Variants in LIN28B observed in about 807,000 individuals in gnomAD.
The protein encoded by LIN28B is lin-28 RNA binding posttranscriptional regulator B, also known as protein lin-28 homolog B.
In LIN28B, 5 loss-of-function variants were observed where a neutral mutation model predicts 21.9. The ratio of observed to expected loss-of-function variants is 0.23; its 90% CI spans 0.12 to 0.48. The LOEUF is 0.48. Among genes scored for constraint, LIN28B ranks in the 20% least tolerant of loss-of-function variants. The pLI is 0.98. For synonymous variants in LIN28B, 109 were observed against 111.3 expected (o/e 0.98, Z 0.13); for missense variants, 245 against 310.5 (o/e 0.79, Z 1.58).
chr6:104,975,605 G>A (rs2114597067), intron 2 of LIN28B, among the ~76,000 whole-genome samples: 1 of 152,172 alleles, frequency 6.6e-6, no homozygotes, highest in Middle Eastern at 3.4e-3. Flanking sequence ...AGTGATGATA[G>A]TGTAACTTTT....
chr6:104,957,094 G>C, upstream of LIN28B: 1 of 1,538,226 alleles, frequency 6.5e-7, no homozygotes, highest in Admixed American at 2.0e-5. Flanking sequence ...CTGGAGAGAG[G>C]AGAGAAAAAA....
At chr6:105,048,539 G>A (rs1264607613) in intron 3 of LIN28B, among the ~76,000 whole-genome samples, 2 of 152,296 alleles carry the variant, frequency 1.3e-5, no homozygotes, top group East Asian at 3.9e-4. Flanking sequence ...CATAAAATGA[G>A]TTAGGGAGGA....
At chr6:105,015,298 A>AG (rs1771004678) in intron 2 of LIN28B, among the ~76,000 whole-genome samples, 1 of 152,132 alleles carries the variant, frequency 6.6e-6, no homozygotes, top group African/African-American at 2.4e-5. Flanking sequence ...TATTTTTGAT[A>AG]ATACTCTTTA....
intron 2 of LIN28B, among the ~76,000 whole-genome samples, chr6:105,017,586 T>A (rs1030652153): frequency 6.6e-6 from 1 of 152,156 alleles, no homozygotes; most frequent in East Asian, 1.9e-4. Flanking sequence ...GCTCTGAGTG[T>A]TTTTTCAGTT....
At chr6:104,951,067 G>A (rs1473718775) in intron 3 of LIN28B, among the ~76,000 whole-genome samples, 1 of 151,990 alleles carries the variant, frequency 6.6e-6, no homozygotes, top group African/African-American at 2.4e-5. Context: ...ATATGACAAA[G>A]CTGAGTCATT....
At chr6:105,046,258 C>A (rs898845550) in intron 3 of LIN28B, among the ~76,000 whole-genome samples, 1 of 152,044 alleles carries the variant, frequency 6.6e-6, no homozygotes, top group South Asian at 2.1e-4. Context: ...TGAGTGAGAA[C>A]ATGCAGTGTT....
chr6:105,026,433 A>G lies in LIN28B; in HGVS notation c.334A>G (p.Arg112Gly). 1.9e-6 allele frequency: 3 copies of G among 1,609,704 alleles called. No individual in the cohort carries two copies. The highest frequency in any genetic ancestry group is 2.5e-6 in the Non-Finnish European group (3 of 1,178,302). The change falls in exon 3 of 4, where the codon AGA becomes GGA. Residue 112 changes from arginine (R) to glycine (G), a missense_variant. Arg to Gly is a moderately radical substitution (Grantham distance 125). Coordinates refer to ENST00000345080, the MANE Select transcript of LIN28B (RefSeq NM_001004317.4). ...PGGSPCLGSE[R>G]RPKGKTLQKR... Reference sequence around the variant, plus strand: ...TGGGAGCCCCTGTTTAGGAAGTGAAAGAAGACCCAAAGGGAAGACACTACA... The same window carrying G: ...TGGGAGCCCCTGTTTAGGAAGTGAAGGAAGACCCAAAGGGAAGACACTACA...
chr6:104,991,183 G>A lies in LIN28B; in HGVS notation c.198+32897G>A, dbSNP rs561401399. ...CTCCCGGACAGGGCGGCGGCCAGGCGGAGACGCCCCCCACCTCCCTCCCAG... is the reference window on the plus strand; with the variant it reads ...CTCCCGGACAGGGCGGCGGCCAGGCAGAGACGCCCCCCACCTCCCTCCCAG... On this transcript the variant is annotated intron_variant, in intron 2 of 3. Transcript: ENST00000345080. Among the ~76,000 whole-genome samples the A allele has an allele frequency of 1.4e-3, 218 of 150,888 alleles. 1 individual carries two copies. Among genetic ancestry groups the A allele is most frequent in the African/African-American group, 5.0e-3 (204 of 41,020 alleles).
upstream of LIN28B, among the ~76,000 whole-genome samples, chr6:104,956,145 C>G (rs142491584): frequency 0.024 from 3,578 of 152,152 alleles, 57 homozygotes; most frequent in Middle Eastern, 0.12. Context: ...CACCCCCTGC[C>G]CGCGCCGGCT....
intron 3 of LIN28B, among the ~76,000 whole-genome samples, chr6:105,048,757 G>A (rs1269930058): frequency 1.3e-5 from 2 of 152,180 alleles, no homozygotes; most frequent in Non-Finnish European, 2.9e-5. Flanking sequence ...AGGTGTATGT[G>A]TCAAGGAATT....
chr6:105,056,744 C>T (rs1268902169), intron 3 of LIN28B, among the ~76,000 whole-genome samples: 1 of 152,138 alleles, frequency 6.6e-6, no homozygotes, highest in Non-Finnish European at 1.5e-5. Context: ...CTCCAGTATC[C>T]TGTCCCAAGA....
At chr6:104,965,020 AAAT>A (rs1177584073) in intron 2 of LIN28B, among the ~76,000 whole-genome samples, 2 of 152,212 alleles carry the variant, frequency 1.3e-5, no homozygotes, top group Non-Finnish European at 2.9e-5. Flanking sequence ...TCTGTTGAGA[AAAT>A]AAACTAATGT....
At chr6:105,050,313 A>T (rs1246466939) in intron 3 of LIN28B, among the ~76,000 whole-genome samples, 2 of 152,116 alleles carry the variant, frequency 1.3e-5, no homozygotes, top group Non-Finnish European at 2.9e-5. Flanking sequence ...TTTCTTTAAG[A>T]ATGTTGAGGC....
chr6:104,937,435 T>G (rs2114533337), intron 2 of LIN28B, among the ~76,000 whole-genome samples: 1 of 152,218 alleles, frequency 6.6e-6, no homozygotes, highest in African/African-American at 2.4e-5. Flanking sequence ...CCACCAAGCC[T>G]GCCTGATTTT....
Position 105,053,714 on chromosome 6 carries a change from C to CATGTGTGTGTGTGTGTGTGT in LIN28B, c.384-24700_384-24699insATGTGTGTGTGTGTGTGTGT, listed in dbSNP as rs61525783. Among the ~76,000 whole-genome samples the CATGTGTGTGTGTGTGTGTGT allele has an allele frequency of 4.7e-3, 698 of 147,380 alleles. 10 individuals are homozygous for CATGTGTGTGTGTGTGTGTGT. The highest frequency in any genetic ancestry group is 0.017 in the African/African-American group (666 of 39,544). On this transcript the variant is annotated intron_variant, in intron 3 of 3. Coordinates refer to ENST00000345080, the MANE Select transcript of LIN28B (RefSeq NM_001004317.4). The stretch of plus-strand genomic sequence containing the variant: ...TGTTTGTATGGTGTGTGTGTGGGTG[C>CATGTGTGTGTGTGTGTGTGT]GTGTGTGTGTGTGTGTGTGTGTGTG...
chr6:105,073,472 G>A lies in LIN28B; in HGVS notation c.384-4942G>A, dbSNP rs9500023. ...TATTCGTACCTTCTTCCTGCCCAAA[G>A]CTTGCACTTCTTTCTCTACTCTTTT... On this transcript the variant is annotated intron_variant, in intron 3 of 3. Coordinates refer to ENST00000345080, the MANE Select transcript of LIN28B (RefSeq NM_001004317.4). Among the ~76,000 whole-genome samples, 835 of 152,066 alleles carry A rather than the reference G, an allele frequency of 5.5e-3. 11 individuals carry two copies. Among genetic ancestry groups the A allele is most frequent in the African/African-American group, 0.019 (805 of 41,474 alleles).
In LIN28B at chr6:105,058,401, G is replaced by A. The variant is rs138476560; in HGVS notation, c.384-20013G>A. On this transcript the variant is annotated intron_variant, in intron 3 of 3. Coordinates refer to ENST00000345080, the MANE Select transcript of LIN28B (RefSeq NM_001004317.4). Reference sequence around the variant, plus strand: ...AGGGTTTCCAGCTTTCTGTGGGACAGGATCTCCTGTTAGACTCCTAATTCT... The same window carrying A: ...AGGGTTTCCAGCTTTCTGTGGGACAAGATCTCCTGTTAGACTCCTAATTCT... Among the ~76,000 whole-genome samples the A allele has an allele frequency of 6.2e-3, 941 of 152,286 alleles. 8 individuals are homozygous for A. The highest frequency in any genetic ancestry group is 8.8e-3 in the Non-Finnish European group (597 of 68,022).
intron 2 of LIN28B, among the ~76,000 whole-genome samples, chr6:105,007,224 A>G (rs1770835504): frequency 6.6e-6 from 1 of 152,216 alleles, no homozygotes; most frequent in South Asian, 2.1e-4. Flanking sequence ...TTTAAGATAA[A>G]TAATTTAGAG....
chr6:104,973,659 GAGA>G (rs1770024224), intron 2 of LIN28B, among the ~76,000 whole-genome samples: 1 of 152,196 alleles, frequency 6.6e-6, no homozygotes, highest in South Asian at 2.1e-4. Context: ...GAGTGTAGTT[GAGA>G]AGAAGTTAAT....
Sources: allele counts gnomAD v4.1 joint callset (sites outside exome capture counted in the v4.1 genomes callset), GRCh38; gene constraint gnomAD v4.1.1; transcripts MANE v1.5; gene names NCBI Gene and HGNC (gene_info 2026-07-23, HGNC 2026-07-21).